The following ALDH1A2 variants were observed in gnomAD, a reference collection of about 807,000 sequenced individuals.
ALDH1A2 encodes the protein retinal dehydrogenase 2.
ALDH1A2 carries 27 observed loss-of-function variants against 60.3 expected under a neutral mutation model. The observed-to-expected ratio is 0.45, with a 90% CI of 0.33 to 0.62. The LOEUF (loss-of-function observed/expected upper bound fraction) is 0.62, where lower values mean the gene tolerates loss of function less well. ALDH1A2 is among the 20% of genes least tolerant of loss of function. ALDH1A2 has a pLI of 0.02. For missense variants in ALDH1A2, 581 were observed against 643.8 expected (o/e 0.90, Z 1.06); for synonymous variants, 289 against 232.4 (o/e 1.24, Z -2.21).
At chr15:58,003,919 C>G (rs1342924188) in intron 4 of ALDH1A2, among the ~76,000 whole-genome samples, 1 of 151,782 alleles carries the variant, frequency 6.6e-6, no homozygotes, top group Non-Finnish European at 1.5e-5. Flanking sequence ...GACAATGGCT[C>G]CATTGGGTAC....
At chr15:58,013,386 T>G (rs1011726746) in intron 3 of ALDH1A2, among the ~76,000 whole-genome samples, 3 of 152,148 alleles carry the variant, frequency 2.0e-5, no homozygotes, top group African/African-American at 4.8e-5. Flanking sequence ...CATGGCAAGC[T>G]CCAGTTTTCT....
Position 57,962,060 on chromosome 15 carries a change from G to A in ALDH1A2, c.1203C>T (p.Pro401=), listed in dbSNP as rs1893740699. The A allele has an allele frequency of 6.2e-7, 1 of 1,614,110 alleles. No homozygotes were observed. Among genetic ancestry groups the A allele is most frequent in the Non-Finnish European group, 8.5e-7 (1 of 1,179,998 alleles). Residue 401 remains proline, a synonymous_variant, in exon 10 of 13, where the codon CCC becomes CCT. Transcript: ENST00000249750. ...CATCAGTGACGTTGGAAAACACTGT[G>A]GGCTCAATGAAAAACCCCTTTCGGC... ...GLGRKGFFIE[P]TVFSNVTDDM... is the part of the protein sequence containing the mutation.
At chr15:57,962,951 G>A (rs1459411971) in intron 9 of ALDH1A2, among the ~76,000 whole-genome samples, 2 of 152,086 alleles carry the variant, frequency 1.3e-5, no homozygotes, top group Admixed American at 6.5e-5. Flanking sequence ...AATATGCCTC[G>A]ATGATTACGG....
chr15:58,014,075 T>G (rs1895718453), intron 2 of ALDH1A2, 77 bp from the exon 3 acceptor site: 2 of 1,613,972 alleles, frequency 1.2e-6, no homozygotes, highest in African/African-American at 1.3e-5. Context: ...ATGAAAAAAG[T>G]GAAGCATGAG....
intron 7 of ALDH1A2, among the ~76,000 whole-genome samples, chr15:57,978,231 T>A (rs57975858): frequency 0.41 from 62,753 of 152,064 alleles, 14,162 homozygotes; most frequent in South Asian, 0.71. Flanking sequence ...AATACTATGC[T>A]GAATAGGAGT....
chr15:57,986,528 A>G (rs1348250359), intron 7 of ALDH1A2, among the ~76,000 whole-genome samples: 1 of 141,132 alleles, frequency 7.1e-6, no homozygotes, highest in African/African-American at 2.6e-5. Context: ...CAGCAATATA[A>G]TGGTCACAAT....
intron 3 of ALDH1A2, among the ~76,000 whole-genome samples, chr15:58,012,727 T>C (rs1214507814): frequency 1.3e-5 from 2 of 152,146 alleles, no homozygotes; most frequent in African/African-American, 2.4e-5. Context: ...TTTGTTCCCA[T>C]ACTATGAACA....
chr15:58,065,646 G>C lies in ALDH1A2; in HGVS notation c.5C>G (p.Thr2Ser), dbSNP rs748211403. 6.3e-7 allele frequency: 1 copy of C among 1,593,742 alleles called. No individual in the cohort carries two copies. The highest frequency in any genetic ancestry group is 1.3e-5 in the African/African-American group (1 of 74,422). The change falls in exon 1 of 13, where the codon ACT (threonine) becomes AGT (serine). Residue 2 changes from threonine (T) to serine (S), a missense_variant. Transcript: ENST00000249750. M[T>S]SSKIEMPGEV... ...GCCGGGCATCTCTATCTTGCTGGAA[G>C]TCATGGTGGCGGGCCGGGTGTCCCT...
chr15:57,974,383 A>G lies in ALDH1A2; in HGVS notation c.799-8556T>C, dbSNP rs943868334. Among the ~76,000 whole-genome samples the G allele has an allele frequency of 7.3e-5, 11 of 150,214 alleles. No homozygotes were observed. The East Asian group carries it at 2.2e-3, about 30-fold the overall frequency. On this transcript the variant is annotated intron_variant, in intron 7 of 12. Transcript: ENST00000249750. ...GGGAGGCAGAGCTTGCAGTGAGCCA[A>G]GATCGCGCCACTGCACTCCAGCCTG... is the stretch of plus-strand genomic sequence containing the variant.
At chr15:58,063,919 AAG>A (rs1183117561) in intron 1 of ALDH1A2, among the ~76,000 whole-genome samples, 1 of 152,192 alleles carries the variant, frequency 6.6e-6, no homozygotes, top group African/African-American at 2.4e-5. Context: ...GGGGGAGAAC[AAG>A]AGAGAAAAGA....
chr15:58,013,716 C>A, intron 3 of ALDH1A2, 142 bp downstream of exon 3: 1 of 1,135,558 alleles, frequency 8.8e-7, no homozygotes, highest in South Asian at 1.8e-5. Context: ...CGTGCCACTG[C>A]GCTCCAGCCT....
At chr15:57,959,735 T>C (rs1226488113) in intron 12 of ALDH1A2, among the ~76,000 whole-genome samples, 2 of 152,214 alleles carry the variant, frequency 1.3e-5, no homozygotes, top group South Asian at 2.1e-4. Context: ...GTAGTAATAG[T>C]GGCAGGATTC....
intron 1 of ALDH1A2, among the ~76,000 whole-genome samples, chr15:58,030,830 T>C (rs1406379542): frequency 6.6e-6 from 1 of 152,108 alleles, no homozygotes; most frequent in Non-Finnish European, 1.5e-5. Flanking sequence ...ACAAGGGATG[T>C]GAAGGACCTC....
intron 7 of ALDH1A2, among the ~76,000 whole-genome samples, chr15:57,976,530 TTG>T (rs547470451): frequency 1.8e-3 from 272 of 152,262 alleles, no homozygotes; most frequent in African/African-American, 6.0e-3. Context: ...GGTTTTCTGT[TTG>T]TGTTAGTTTG....
intron 1 of ALDH1A2, among the ~76,000 whole-genome samples, chr15:58,042,022 A>G: frequency 6.6e-6 from 1 of 151,872 alleles, no homozygotes. Context: ...GGGTGGAGGG[A>G]CTACTGTATT....
chr15:58,061,601 AAAAAAAAAC>A lies in ALDH1A2; in HGVS notation c.117+3924_117+3932del, dbSNP rs1288852834. Among the ~76,000 whole-genome samples the A allele has an allele frequency of 3.3e-4, 48 of 145,456 alleles. 1 individual carries two copies. The South Asian group carries it at 6.1e-3, about 18-fold the overall frequency. On this transcript the variant is annotated intron_variant, in intron 1 of 12. Transcript: ENST00000249750. ...AGATTTAAACTCCTTCCCTCAAAAA[AAAAAAAAAC>A]AAAAAAAAAAAAAAAACGGAACAAA...
At chr15:58,059,407 A>T (rs577916331) in intron 1 of ALDH1A2, among the ~76,000 whole-genome samples, 1 of 152,176 alleles carries the variant, frequency 6.6e-6, no homozygotes, top group Non-Finnish European at 1.5e-5. Flanking sequence ...AAATGCTCTC[A>T]AAATTCCATA....
chr15:58,043,336 C>T (rs1195350363), intron 1 of ALDH1A2, among the ~76,000 whole-genome samples: 2 of 151,950 alleles, frequency 1.3e-5, no homozygotes, highest in Non-Finnish European at 2.9e-5. Flanking sequence ...AATCTATTGC[C>T]ATCCCTTACA....
chr15:57,958,389 T>G (rs1893610574), intron 12 of ALDH1A2, among the ~76,000 whole-genome samples: 1 of 152,182 alleles, frequency 6.6e-6, no homozygotes, highest in South Asian at 2.1e-4. Context: ...CAGGGGAGTT[T>G]GATAAGGAAG....
Sources: gnomAD v4.1 joint callset for allele counts (sites outside exome capture counted in the v4.1 genomes callset) on GRCh38, gnomAD v4.1.1 for gene constraint, MANE v1.5 for transcripts, NCBI Gene and HGNC (gene_info 2026-07-23, HGNC 2026-07-21) for gene names.